The following GRM7 variants were observed in gnomAD, a reference collection of about 807,000 sequenced individuals.
The protein encoded by GRM7 is metabotropic glutamate receptor 7.
Under a neutral mutation model 84.5 loss-of-function variants are expected in GRM7, and 35 were observed. That is an observed-to-expected ratio of 0.41 (90% CI 0.32 to 0.55). The LOEUF (loss-of-function observed/expected upper bound fraction) is 0.55, where lower values mean the gene tolerates loss of function less well. Ranked by LOEUF, GRM7 falls within the 20% of genes least tolerant of loss-of-function variation. GRM7 has a pLI of 0.19. For missense variants in GRM7, 1,003 were observed against 1,194.6 expected (o/e 0.84, Z 2.36); for synonymous variants, 487 against 455.1 (o/e 1.07, Z -0.89).
intron 2 of GRM7, among the ~76,000 whole-genome samples, chr3:7,168,959 A>G (rs890552008): frequency 1.3e-5 from 2 of 152,248 alleles, no homozygotes; most frequent in African/African-American, 2.4e-5. Flanking sequence ...CTGCATTCTT[A>G]TATGTGCATA....
intron 1 of GRM7, among the ~76,000 whole-genome samples, chr3:6,992,748 GAAC>G (rs1694692001): frequency 6.6e-6 from 1 of 152,274 alleles, no homozygotes; most frequent in South Asian, 2.1e-4. Flanking sequence ...AAATGGCTTA[GAAC>G]AACAAGAGTT....
At chr3:7,493,508 A>T (rs946647466) in intron 7 of GRM7, among the ~76,000 whole-genome samples, 5 of 152,000 alleles carry the variant, frequency 3.3e-5, no homozygotes, top group Non-Finnish European at 5.9e-5. Context: ...TTTAAAAAAT[A>T]ATGTTTACAT....
intron 7 of GRM7, among the ~76,000 whole-genome samples, chr3:7,492,724 T>C (rs1699566848): frequency 6.6e-6 from 1 of 152,112 alleles, no homozygotes; most frequent in South Asian, 2.1e-4. Flanking sequence ...ATTTCTTCTG[T>C]GTGCTTTGGG....
chr3:7,493,922 T>C (rs757215880), intron 7 of GRM7, among the ~76,000 whole-genome samples: 17 of 152,116 alleles, frequency 1.1e-4, no homozygotes, highest in African/African-American at 4.1e-4. Flanking sequence ...ATTATTTTTG[T>C]GAAACTTGGA....
chr3:7,163,895 G>A (rs1250716796), intron 2 of GRM7, among the ~76,000 whole-genome samples: 2 of 152,086 alleles, frequency 1.3e-5, no homozygotes, highest in African/African-American at 4.8e-5. Flanking sequence ...AATGTGTTTT[G>A]AATATTTGAA....
chr3:7,054,449 G>A (rs1697140799), intron 1 of GRM7, among the ~76,000 whole-genome samples: 1 of 151,024 alleles, frequency 6.6e-6, no homozygotes, highest in South Asian at 2.1e-4. Flanking sequence ...TTTTGTGTGT[G>A]TTCTTGTCTG....
chr3:6,912,850 G>A lies in GRM7; in HGVS notation c.519+50943G>A, dbSNP rs142825702. Among the ~76,000 whole-genome samples the A allele has an allele frequency of 6.5e-3, 986 of 152,204 alleles. 16 individuals are homozygous for A. Among genetic ancestry groups the A allele is most frequent in the African/African-American group, 0.023 (959 of 41,532 alleles). On this transcript the variant is annotated intron_variant, in intron 1 of 9. Transcript: ENST00000357716. ...TTTGAAATTTATGTCAAAATAGGTT[G>A]TTATTAAGTGAATAAAACCACATTT...
intron 2 of GRM7, among the ~76,000 whole-genome samples, chr3:7,246,892 T>G (rs1697782599): frequency 6.6e-6 from 1 of 152,124 alleles, no homozygotes; most frequent in Non-Finnish European, 1.5e-5. Flanking sequence ...GTTGTAGGAT[T>G]TACAGTACTA....
At chr3:7,570,048 C>G (rs1208040608) in intron 7 of GRM7, among the ~76,000 whole-genome samples, 1 of 152,144 alleles carries the variant, frequency 6.6e-6, no homozygotes, top group Non-Finnish European at 1.5e-5. Flanking sequence ...GAGACTCATT[C>G]ACTATCACAA....
At chr3:7,555,627 G>T (rs1198193597) in intron 7 of GRM7, among the ~76,000 whole-genome samples, 1 of 152,160 alleles carries the variant, frequency 6.6e-6, no homozygotes, top group East Asian at 1.9e-4. Context: ...TGAATTTTAG[G>T]ATTTGGGTTT....
chr3:7,108,880 G>C (rs980773104), intron 1 of GRM7, among the ~76,000 whole-genome samples: 1 of 152,108 alleles, frequency 6.6e-6, no homozygotes, highest in African/African-American at 2.4e-5. Flanking sequence ...TCTCCTGTGT[G>C]ATAAGATTCA....
chr3:7,398,669 T>G (rs1695318631), intron 4 of GRM7, among the ~76,000 whole-genome samples: 1 of 152,082 alleles, frequency 6.6e-6, no homozygotes, highest in Non-Finnish European at 1.5e-5. Flanking sequence ...ACACTTGTTT[T>G]TGTGTCGGTG....
Position 7,356,654 on chromosome 3 carries a change from A to G in GRM7, c.1033+50002A>G, listed in dbSNP as rs985040430. Among the ~76,000 whole-genome samples the G allele has an allele frequency of 2.6e-5, 4 of 151,982 alleles. No homozygotes were observed. The East Asian group carries it at 7.8e-4, about 30-fold the overall frequency. ...TAGATAGGCTGACCCTTTTTTAGATACCACTCAGCTTCTTTCCCCAGCCAT... is the reference window on the plus strand; with the variant it reads ...TAGATAGGCTGACCCTTTTTTAGATGCCACTCAGCTTCTTTCCCCAGCCAT... On this transcript the variant is annotated intron_variant, in intron 4 of 9. Transcript: ENST00000357716.
intron 6 of GRM7, among the ~76,000 whole-genome samples, chr3:7,457,387 G>T (rs1227388922): frequency 6.6e-6 from 1 of 152,088 alleles, no homozygotes; most frequent in Non-Finnish European, 1.5e-5. Flanking sequence ...CCAAATCAAA[G>T]CAAAGTCCCA....
chr3:7,053,234 T>TA (rs1265940634), intron 1 of GRM7, among the ~76,000 whole-genome samples: 7 of 151,390 alleles, frequency 4.6e-5, no homozygotes, highest in African/African-American at 1.7e-4. Flanking sequence ...CCTTTTTTTT[T>TA]ACTTTAGTTA....
At chr3:7,309,751 T>C (rs984124) in intron 4 of GRM7, among the ~76,000 whole-genome samples, 100,223 of 151,878 alleles carry the variant, frequency 0.66, 34,457 homozygotes, top group African/African-American at 0.86. Context: ...AAGGGAACTT[T>C]AGTGTTTCTT....
chr3:7,246,024 TAG>T (rs1697746508), intron 2 of GRM7, among the ~76,000 whole-genome samples: 6 of 152,128 alleles, frequency 3.9e-5, no homozygotes, highest in Non-Finnish European at 2.9e-5. Flanking sequence ...ACTGAAGAGA[TAG>T]AATGCATTCA....
intron 2 of GRM7, among the ~76,000 whole-genome samples, chr3:7,203,522 C>T (rs1206270641): frequency 6.6e-6 from 1 of 151,998 alleles, no homozygotes; most frequent in African/African-American, 2.4e-5. Flanking sequence ...GATTCCATAT[C>T]TTGGCTATTG....
Position 7,029,111 on chromosome 3 carries a change from C to T in GRM7, c.520-117341C>T, listed in dbSNP as rs1034403429. 2.0e-5 allele frequency among the ~76,000 whole-genome samples: 3 copies of T among 152,066 alleles called. No individual in the cohort carries two copies. In the South Asian group the frequency reaches 6.2e-4, roughly 32 times the overall value. On this transcript the variant is annotated intron_variant, in intron 1 of 9. Transcript: ENST00000357716. The stretch of plus-strand genomic sequence containing the variant: ...CTGAGGTCAGGAGTTCAAGACCAGC[C>T]TGGCTAACATGGTGAAACCCTGTCT...
Sources: allele counts gnomAD v4.1 joint callset (sites outside exome capture counted in the v4.1 genomes callset), GRCh38; gene constraint gnomAD v4.1.1; transcripts MANE v1.5; gene names NCBI Gene and HGNC (gene_info 2026-07-23, HGNC 2026-07-21).